Variants in ARL17B observed in about 807,000 individuals in gnomAD.
ARL17B encodes the protein ADP-ribosylation factor-like protein 17.
chr17:46,276,997 G>T (rs1399520354), intron 4 of ARL17B, among the ~76,000 whole-genome samples: 1 of 133,254 alleles, frequency 7.5e-6, no homozygotes, highest in Non-Finnish European at 1.8e-5. Flanking sequence ...TAGAGATGGG[G>T]TTTCCCCATG....
At chr17:46,288,787 T>G (rs2143437403) in intron 4 of ARL17B, among the ~76,000 whole-genome samples, 1 of 151,736 alleles carries the variant, frequency 6.6e-6, no homozygotes, top group Non-Finnish European at 1.5e-5. Context: ...CAGTGTACCC[T>G]GCACCTCCCA....
intron 4 of ARL17B, among the ~76,000 whole-genome samples, chr17:46,290,729 G>C (rs1416259050): frequency 6.6e-6 from 1 of 152,244 alleles, no homozygotes; most frequent in Non-Finnish European, 1.5e-5. Flanking sequence ...TTATAGGCAT[G>C]AGCCATTGCG....
At chr17:46,289,185 T>C (rs1032993327) in intron 4 of ARL17B, among the ~76,000 whole-genome samples, 3 of 152,104 alleles carry the variant, frequency 2.0e-5, no homozygotes, top group Non-Finnish European at 1.5e-5. Flanking sequence ...ACCAAGAGGG[T>C]TTCTTTCTTA....
intron 3 of ARL17B, among the ~76,000 whole-genome samples, chr17:46,315,931 TTC>T (rs1491418409): frequency 1.4e-5 from 1 of 71,364 alleles, no homozygotes; most frequent in African/African-American, 3.7e-5. Flanking sequence ...TTTTTTTTTT[TTC>T]TTTATTTTGG....
chr17:46,274,562 A>G (rs1405991391), downstream of ARL17B, among the ~76,000 whole-genome samples: 3 of 152,240 alleles, frequency 2.0e-5, no homozygotes, highest in South Asian at 2.1e-4. Flanking sequence ...TTGATAAGAT[A>G]TGGATGGATT....
At chr17:46,291,865 G>A (rs1409883470) in intron 4 of ARL17B, among the ~76,000 whole-genome samples, 3 of 151,310 alleles carry the variant, frequency 2.0e-5, no homozygotes, top group Non-Finnish European at 4.4e-5. Flanking sequence ...GGAACCTGAG[G>A]CGGAAGGACT....
chr17:46,275,597 C>G (rs1307760723), intron 4 of ARL17B, among the ~76,000 whole-genome samples: 1 of 152,198 alleles, frequency 6.6e-6, no homozygotes, highest in Non-Finnish European at 1.5e-5. Context: ...AAACTTTTCA[C>G]TGTACACTAA....
intron 3 of ARL17B, among the ~76,000 whole-genome samples, chr17:46,350,560 TAAA>T (rs1236947728): frequency 1.9e-5 from 1 of 51,944 alleles, no homozygotes. Flanking sequence ...AATAAGCAGT[TAAA>T]AAAAAAAAAA....
Position 46,334,970 on chromosome 17 carries a change from C to T in ARL17B, c.*4530G>A, listed in dbSNP as rs2052237498. 1.3e-5 allele frequency: 1 copy of T among 75,002 alleles called. No homozygotes were observed. The highest frequency in any genetic ancestry group is 3.5e-5 in the Non-Finnish European group (1 of 28,772). 4.6% of individuals were successfully genotyped at this position (75,002 alleles called of 1,614,324 possible). A position where few individuals can be genotyped will look rare whatever the true frequency, so the allele number is the denominator to read the frequency against. ...TTACATGGGGCCAGGCATGGTGGCT[C>T]ACACTTGTAATCCCAACACATTGGG... On this transcript the variant is annotated 3_prime_UTR_variant, in exon 4 of 4. Transcript: ENST00000450673.
At chr17:46,284,849 T>A (rs552141689) in intron 4 of ARL17B, among the ~76,000 whole-genome samples, 1 of 152,238 alleles carries the variant, frequency 6.6e-6, no homozygotes, top group Non-Finnish European at 1.5e-5. Flanking sequence ...AAAGTTTCAA[T>A]CCAATGCACT....
At chr17:46,291,613 T>C (rs2050069354) in intron 4 of ARL17B, among the ~76,000 whole-genome samples, 1 of 151,336 alleles carries the variant, frequency 6.6e-6, no homozygotes, top group East Asian at 1.9e-4. Context: ...AAAATGAAAA[T>C]GTGTAATATG....
chr17:46,285,670 G>C (rs530757316), intron 4 of ARL17B, among the ~76,000 whole-genome samples: 1 of 152,232 alleles, frequency 6.6e-6, no homozygotes, highest in Admixed American at 6.5e-5. Flanking sequence ...GATTATCTGA[G>C]TGTTAGATAA....
At chr17:46,283,235 T>C (rs938425994) in intron 4 of ARL17B, among the ~76,000 whole-genome samples, 4 of 152,258 alleles carry the variant, frequency 2.6e-5, no homozygotes, top group African/African-American at 9.6e-5. Flanking sequence ...AAAAGTATTC[T>C]AAGATATTAA....
rs1347356530 is a variant in ARL17B, at chr17:46,292,331, C to A, written c.*21+7195G>T. On this transcript the variant is annotated intron_variant, in intron 4 of 4. Coordinates refer to the ARL17B transcript ENST00000570618. ...TGGGTGACAGAGCAAGACACTCTCTCGAGGAAAAAAAAAAAAAAGAAAAGG... is the reference window on the plus strand; with the variant it reads ...TGGGTGACAGAGCAAGACACTCTCTAGAGGAAAAAAAAAAAAAAGAAAAGG... Among the ~76,000 whole-genome samples, 17 of 69,268 alleles carry A rather than the reference C, an allele frequency of 2.5e-4. 6 individuals are homozygous for A. Among genetic ancestry groups the A allele is most frequent in the African/African-American group, 5.5e-4 (15 of 27,184 alleles). 45.4% of individuals were successfully genotyped at this position (69,268 alleles called of 152,430 possible).
At chr17:46,291,646 T>C (rs2050070243) in intron 4 of ARL17B, among the ~76,000 whole-genome samples, 2 of 151,950 alleles carry the variant, frequency 1.3e-5, no homozygotes, top group African/African-American at 2.4e-5. Flanking sequence ...CCAGGGCCCA[T>C]ACGGTGGCTC....
chr17:46,289,737 G>A, intron 4 of ARL17B, among the ~76,000 whole-genome samples: 1 of 152,142 alleles, frequency 6.6e-6, no homozygotes, highest in Non-Finnish European at 1.5e-5. Context: ...AAATCTTATA[G>A]TCTCTCAGAA....
chr17:46,289,826 T>C lies in ARL17B; in HGVS notation c.*21+9700A>G, dbSNP rs1364282157. On this transcript the variant is annotated intron_variant, in intron 4 of 4. Transcript: ENST00000570618. ...GCCGAATTAATTTTATTTTTCCTTC[T>C]TTGAAAAAATTCATCCAGCACACTG... Among the ~76,000 whole-genome samples the C allele has an allele frequency of 3.3e-5, 5 of 152,224 alleles. 1 individual carries two copies. Among genetic ancestry groups the C allele is most frequent in the African/African-American group, 7.2e-5 (3 of 41,448 alleles).
chr17:46,331,663 T>C, downstream of ARL17B: 1 of 897,282 alleles, frequency 1.1e-6, no homozygotes, highest in Non-Finnish European at 1.8e-6. Flanking sequence ...AAAGCTTCAA[T>C]TACCCATTGC....
chr17:46,283,033 C>T (rs570143205), intron 4 of ARL17B, among the ~76,000 whole-genome samples: 1 of 152,198 alleles, frequency 6.6e-6, no homozygotes, highest in African/African-American at 2.4e-5. Context: ...GCAGGAGAAT[C>T]GCTTGAACCT....
Sources: allele counts gnomAD v4.1 joint callset (sites outside exome capture counted in the v4.1 genomes callset), GRCh38; gene constraint gnomAD v4.1.1; transcripts MANE v1.5; gene names NCBI Gene and HGNC (gene_info 2026-07-23, HGNC 2026-07-21).